Variants in SOCS5 observed in about 807,000 individuals in gnomAD.
The protein encoded by SOCS5 is suppressor of cytokine signaling 5.
Under a neutral mutation model 42.8 loss-of-function variants are expected in SOCS5, and 32 were observed. The ratio of observed to expected loss-of-function variants is 0.75; its 90% CI spans 0.56 to 1.01. The LOEUF (loss-of-function observed/expected upper bound fraction) is 1.01, where lower values mean the gene tolerates loss of function less well. Among genes scored for constraint, SOCS5 ranks in the 50% least tolerant of loss-of-function variants. The probability of loss-of-function intolerance (pLI) is 0.00; values close to 1 mark genes in which losing one functional copy is unlikely to be tolerated. For missense variants in SOCS5, 627 were observed against 653.0 expected, an observed-to-expected ratio of 0.96 and a Z score of 0.43; for synonymous variants, 283 against 229.6, an observed-to-expected ratio of 1.23 and a Z score of -2.10.
rs28674756 is a variant in SOCS5 at position 46,712,491 on chromosome 2, G to A, written c.-13+13042G>A. ...CCCAAGTAGCTGGGACTATAGGCGCGTGCCACCACGCCCAGATAATTTTTG... is the reference window on the plus strand; with the variant it reads ...CCCAAGTAGCTGGGACTATAGGCGCATGCCACCACGCCCAGATAATTTTTG... On this transcript the variant is annotated intron_variant, in intron 1 of 1. Coordinates refer to ENST00000394861, the MANE Select transcript of SOCS5 (RefSeq NM_144949.3). Among the ~76,000 whole-genome samples the A allele has an allele frequency of 7.4e-4, 113 of 152,048 alleles. 1 individual carries two copies. In the South Asian group the frequency reaches 8.1e-3, roughly 11 times the overall value.
At chr2:46,715,623 T>C (rs907243499) in intron 1 of SOCS5, among the ~76,000 whole-genome samples, 2 of 152,204 alleles carry the variant, frequency 1.3e-5, no homozygotes, top group African/African-American at 2.4e-5. Flanking sequence ...CTTAAAGATA[T>C]TCCACTATCT....
At chr2:46,723,756 G>A (rs1672934242) in intron 1 of SOCS5, among the ~76,000 whole-genome samples, 2 of 151,904 alleles carry the variant, frequency 1.3e-5, no homozygotes, top group Non-Finnish European at 2.9e-5. Context: ...GGCTATTCTA[G>A]TTCCTTTGCC....
chr2:46,718,831 A>G (rs913513172), intron 1 of SOCS5, among the ~76,000 whole-genome samples: 2 of 152,232 alleles, frequency 1.3e-5, no homozygotes, highest in African/African-American at 2.4e-5. Flanking sequence ...AGTATTGGCA[A>G]ATATCTTGCT....
At chr2:46,711,900 T>C (rs543654155) in intron 1 of SOCS5, among the ~76,000 whole-genome samples, 1 of 152,348 alleles carries the variant, frequency 6.6e-6, no homozygotes, top group African/African-American at 2.4e-5. Context: ...ATGGAGTAAG[T>C]GTGGATCTGT....
At chr2:46,706,313 A>G (rs1672462117) in intron 1 of SOCS5, among the ~76,000 whole-genome samples, 1 of 152,222 alleles carries the variant, frequency 6.6e-6, no homozygotes, top group Non-Finnish European at 1.5e-5. Context: ...CTAATGTGCT[A>G]GTCTTTTGAT....
Position 46,699,312 on chromosome 2 carries a change from C to G in SOCS5, c.-150C>G, listed in dbSNP as rs1334462277. 2 of 151,724 alleles carry G rather than the reference C, an allele frequency of 1.3e-5. No individual in the cohort carries two copies. Among genetic ancestry groups the G allele is most frequent in the Non-Finnish European group, 3.0e-5 (2 of 67,754 alleles). The allele number at this position is 151,724 out of a possible 1,614,324, so 9.4% of individuals were successfully genotyped here. A position where few individuals can be genotyped will look rare whatever the true frequency, so the allele number is the denominator to read the frequency against. On this transcript the variant is annotated 5_prime_UTR_variant, in exon 1 of 2. Coordinates refer to ENST00000394861, the MANE Select transcript of SOCS5 (RefSeq NM_144949.3). This position sits in a 1 kb window ranked among gnomAD's most constrained non-coding sequence, Gnocchi z 4.8. Reference sequence around the variant, plus strand: ...CGGGCTCCGTCCGGAGGAAGCGACGCTGCGCTCGCTGGGCAGTCGGAGGGG... The same window carrying G: ...CGGGCTCCGTCCGGAGGAAGCGACGGTGCGCTCGCTGGGCAGTCGGAGGGG...
chr2:46,732,147 A>G (rs1673141670), intron 1 of SOCS5, among the ~76,000 whole-genome samples: 2 of 152,214 alleles, frequency 1.3e-5, no homozygotes. Context: ...ACATAAGAAA[A>G]TGGGATTCAT....
At position 46,759,160 on chromosome 2, in the gene SOCS5, C is replaced by G. The variant is rs767839533; in HGVS notation, c.630C>G (p.Leu210=). The part of the protein sequence containing the change: ...PLFSNKRKIH[L]SELMLEKCPF... Reference sequence around the variant, plus strand: ...TTTCCAATAAAAGAAAAATCCATCTCTCTGAATTAATGCTTGAGAAATGCC... The same window carrying G: ...TTTCCAATAAAAGAAAAATCCATCTGTCTGAATTAATGCTTGAGAAATGCC... Residue 210 remains leucine, a synonymous_variant, in exon 2 of 2, where the codon CTC becomes CTG. Transcript: ENST00000394861. 3 of 1,613,914 alleles carry G rather than the reference C, an allele frequency of 1.9e-6. No homozygotes were observed. The highest frequency in any genetic ancestry group is 2.7e-5 in the African/African-American group (2 of 74,934).
intron 1 of SOCS5, among the ~76,000 whole-genome samples, chr2:46,712,843 A>G (rs1424188524): frequency 6.6e-6 from 1 of 152,066 alleles, no homozygotes; most frequent in Admixed American, 6.6e-5. Context: ...TCTAGATTCA[A>G]TGAGGGATTA....
At chr2:46,730,098 C>A (rs977249082) in intron 1 of SOCS5, among the ~76,000 whole-genome samples, 1 of 152,128 alleles carries the variant, frequency 6.6e-6, no homozygotes, top group African/African-American at 2.4e-5. Context: ...GGACCACCAT[C>A]ATATATGCCG....
intron 1 of SOCS5, among the ~76,000 whole-genome samples, chr2:46,729,296 A>G (rs1294389336): frequency 6.6e-6 from 1 of 152,222 alleles, no homozygotes; most frequent in Non-Finnish European, 1.5e-5. Flanking sequence ...GTGACTTAAA[A>G]AATTTAAATG....
intron 1 of SOCS5, among the ~76,000 whole-genome samples, chr2:46,708,675 C>T (rs1051786109): frequency 1.3e-5 from 2 of 152,134 alleles, no homozygotes; most frequent in East Asian, 1.9e-4. Flanking sequence ...TGCCAGAAAG[C>T]CAGAAATATT....
intron 1 of SOCS5, among the ~76,000 whole-genome samples, chr2:46,726,975 C>G (rs534261819): frequency 6.6e-6 from 1 of 151,738 alleles, no homozygotes; most frequent in Non-Finnish European, 1.5e-5. Flanking sequence ...AGGCTGGTCT[C>G]GAACTCCCGA....
chr2:46,746,405 A>T (rs1673496538), intron 1 of SOCS5, among the ~76,000 whole-genome samples: 1 of 152,130 alleles, frequency 6.6e-6, no homozygotes, highest in South Asian at 2.1e-4. Flanking sequence ...TAATCCCAGC[A>T]CTTTGGGAGG....
chr2:46,713,705 T>G (rs1672678314), intron 1 of SOCS5, among the ~76,000 whole-genome samples: 1 of 152,188 alleles, frequency 6.6e-6, no homozygotes, highest in South Asian at 2.1e-4. Context: ...TTGGGTTTAA[T>G]TTGCTCTTTT....
intron 1 of SOCS5, among the ~76,000 whole-genome samples, chr2:46,757,893 C>G (rs997535397): frequency 2.0e-5 from 3 of 152,108 alleles, no homozygotes; most frequent in African/African-American, 7.2e-5. Context: ...AAAAAAGACA[C>G]CTTTCCTAAA....
chr2:46,740,632 G>A (rs1197605982), intron 1 of SOCS5, among the ~76,000 whole-genome samples: 1 of 152,168 alleles, frequency 6.6e-6, no homozygotes, highest in African/African-American at 2.4e-5. Context: ...TAGAAGCAGA[G>A]ATACCAGCTG....
chr2:46,720,878 A>G (rs1672868361), intron 1 of SOCS5, among the ~76,000 whole-genome samples: 1 of 152,166 alleles, frequency 6.6e-6, no homozygotes, highest in Non-Finnish European at 1.5e-5. Context: ...TTTGGGTGTC[A>G]GCATCCTTTC....
At chr2:46,723,975 G>T (rs1465010227) in intron 1 of SOCS5, among the ~76,000 whole-genome samples, 1 of 151,870 alleles carries the variant, frequency 6.6e-6, no homozygotes, top group Non-Finnish European at 1.5e-5. Context: ...AGAAGCTCTT[G>T]TACATGTTTT....
Sources: allele counts gnomAD v4.1 joint callset (sites outside exome capture counted in the v4.1 genomes callset), GRCh38; gene constraint gnomAD v4.1.1; non-coding constraint Gnocchi (gnomAD v3.1); transcripts MANE v1.5; gene names NCBI Gene and HGNC (gene_info 2026-07-23, HGNC 2026-07-21).